Variants in CAB39L observed in about 807,000 individuals in gnomAD.
CAB39L encodes the protein calcium binding protein 39 like.
A neutral mutation model predicts 39.1 loss-of-function variants in CAB39L; 23 were observed. That is an observed-to-expected ratio of 0.59 (90% CI 0.42 to 0.83). The LOEUF is 0.83. Ranked by LOEUF, CAB39L falls within the 40% of genes least tolerant of loss-of-function variation. The pLI is 0.00. For missense variants in CAB39L, 366 were observed against 391.9 expected, an observed-to-expected ratio of 0.93 and a Z score of 0.56; for synonymous variants, 126 against 137.2, an observed-to-expected ratio of 0.92 and a Z score of 0.57.
intron 3 of CAB39L, among the ~76,000 whole-genome samples, chr13:49,388,074 A>C (rs1956404835): frequency 6.6e-6 from 1 of 152,224 alleles, no homozygotes; most frequent in Non-Finnish European, 1.5e-5. Context: ...AGGCGAGAAA[A>C]GGTCGAAAAA....
At chr13:49,419,288 T>C (rs959320801) in intron 3 of CAB39L, among the ~76,000 whole-genome samples, 1 of 152,244 alleles carries the variant, frequency 6.6e-6, no homozygotes, top group African/African-American at 2.4e-5. Context: ...CAAAGAACTA[T>C]TCGATAAATA....
chr13:49,426,310 A>G (rs1319215475), intron 3 of CAB39L, among the ~76,000 whole-genome samples: 2 of 152,320 alleles, frequency 1.3e-5, no homozygotes, highest in East Asian at 1.9e-4. Context: ...AATTTTAACA[A>G]AGGATTTTAC....
At chr13:49,405,736 A>C (rs2138669104) in intron 3 of CAB39L, among the ~76,000 whole-genome samples, 1 of 128,848 alleles carries the variant, frequency 7.8e-6, no homozygotes, top group South Asian at 3.0e-4. Flanking sequence ...GAAGGAAGGA[A>C]GGAAGGAAGG....
At chr13:49,359,866 A>C (rs924187586) in intron 5 of CAB39L, 34 bp from the exon 6 acceptor site, 1 of 1,147,066 alleles carries the variant, frequency 8.7e-7, no homozygotes, top group Admixed American at 1.7e-5. Flanking sequence ...TAAATTGTAC[A>C]CTCTAAATGG....
intron 9 of CAB39L, among the ~76,000 whole-genome samples, chr13:49,332,740 A>G (rs1489037407): frequency 6.6e-6 from 1 of 152,044 alleles, no homozygotes; most frequent in Non-Finnish European, 1.5e-5. Context: ...CCCTCTAGCA[A>G]CATGGCTGAA....
intron 3 of CAB39L, among the ~76,000 whole-genome samples, chr13:49,426,703 G>C (rs2138722348): frequency 6.6e-6 from 1 of 152,232 alleles, no homozygotes; most frequent in East Asian, 1.9e-4. Flanking sequence ...GGGATTACAG[G>C]AGTGAGCCAC....
intron 3 of CAB39L, among the ~76,000 whole-genome samples, chr13:49,417,213 C>A (rs1043154756): frequency 2.8e-4 from 42 of 152,118 alleles, no homozygotes; most frequent in Non-Finnish European, 2.2e-4. Flanking sequence ...ATTGAGATAT[C>A]ATTTACATAC....
intron 3 of CAB39L, among the ~76,000 whole-genome samples, chr13:49,405,658 G>A (rs61950816): frequency 0.018 from 2,709 of 149,584 alleles, 38 homozygotes; most frequent in Middle Eastern, 0.031. Flanking sequence ...TTGAACCACT[G>A]CACTCCAGCC....
chr13:49,400,200 A>T (rs1351517734), intron 3 of CAB39L, among the ~76,000 whole-genome samples: 2 of 152,088 alleles, frequency 1.3e-5, no homozygotes, highest in Admixed American at 1.3e-4. Context: ...AGCAGAGGGT[A>T]GATTAGAAAC....
At chr13:49,316,936 A>G (rs534730695) in intron 10 of CAB39L, among the ~76,000 whole-genome samples, 2 of 152,288 alleles carry the variant, frequency 1.3e-5, no homozygotes, top group East Asian at 3.9e-4. Context: ...ATGCTTCTAT[A>G]AGCCAAGGAG....
chr13:49,343,616 A>T (rs540356502), intron 8 of CAB39L, among the ~76,000 whole-genome samples: 1 of 151,492 alleles, frequency 6.6e-6, no homozygotes, highest in Admixed American at 6.6e-5. Context: ...GAGAGGAGGG[A>T]GAAGAGAGAG....
At chr13:49,397,229 T>G (rs1471069984) in intron 3 of CAB39L, among the ~76,000 whole-genome samples, 1 of 152,110 alleles carries the variant, frequency 6.6e-6, no homozygotes, top group East Asian at 1.9e-4. Context: ...TAGATATGAG[T>G]GAAACAATAA....
chr13:49,318,294 C>G (rs1954222888), intron 10 of CAB39L, among the ~76,000 whole-genome samples: 1 of 150,664 alleles, frequency 6.6e-6, no homozygotes, highest in Admixed American at 6.6e-5. Context: ...ACAGCAAGAC[C>G]CTGTCTCCAC....
intron 5 of CAB39L, among the ~76,000 whole-genome samples, chr13:49,368,506 G>A (rs956895987): frequency 2.0e-5 from 3 of 152,086 alleles, no homozygotes; most frequent in African/African-American, 7.2e-5. Context: ...CCCGCAGGCT[G>A]CCAGATCTCA....
intron 3 of CAB39L, among the ~76,000 whole-genome samples, chr13:49,412,294 G>GA (rs1342570257): frequency 2.0e-5 from 3 of 149,830 alleles, no homozygotes; most frequent in Non-Finnish European, 4.4e-5. Context: ...ATTCTCCTTG[G>GA]AAAAAAAGCC....
At chr13:49,394,289 A>G (rs1956557800) in intron 3 of CAB39L, among the ~76,000 whole-genome samples, 1 of 152,038 alleles carries the variant, frequency 6.6e-6, no homozygotes, top group South Asian at 2.1e-4. Context: ...ACATATTAGT[A>G]AATGTTTAAC....
At chr13:49,323,509 G>A (rs927021480) in intron 10 of CAB39L, among the ~76,000 whole-genome samples, 2 of 152,166 alleles carry the variant, frequency 1.3e-5, no homozygotes, top group African/African-American at 4.8e-5. Flanking sequence ...CGAATGTGAT[G>A]AGCACACACG....
At chr13:49,401,767 A>G (rs935425721) in intron 3 of CAB39L, among the ~76,000 whole-genome samples, 28 of 152,194 alleles carry the variant, frequency 1.8e-4, no homozygotes, top group African/African-American at 6.5e-4. Flanking sequence ...CTTGTTTAAA[A>G]ATGTAAATAA....
At chr13:49,358,181 T>C (rs1219513746) in intron 6 of CAB39L, among the ~76,000 whole-genome samples, 1 of 152,194 alleles carries the variant, frequency 6.6e-6, no homozygotes, top group Non-Finnish European at 1.5e-5. Context: ...GATACAAGGA[T>C]CTTTCCCTTT....
Sources: allele counts gnomAD v4.1 joint callset (sites outside exome capture counted in the v4.1 genomes callset), GRCh38; gene constraint gnomAD v4.1.1; transcripts MANE v1.5; gene names NCBI Gene and HGNC (gene_info 2026-07-23, HGNC 2026-07-21).